Variants in NELL1 observed in about 807,000 individuals in gnomAD.
NELL1 encodes the protein neural EGFL like 1, also known as protein kinase C-binding protein NELL1.
A neutral mutation model predicts 107.4 loss-of-function variants in NELL1; 76 were observed. That is an observed-to-expected ratio of 0.71 (90% CI 0.59 to 0.86). The LOEUF is 0.86. NELL1 is among the 40% of genes least tolerant of loss of function. The pLI, the probability that NELL1 is intolerant of heterozygous loss-of-function variation, is 0.00. For synonymous variants in NELL1, 353 were observed against 341.2 expected (o/e 1.03, Z -0.38); for missense variants, 1,024 against 1,005.5 (o/e 1.02, Z -0.25).
chr11:20,682,827 A>G (rs1854220992), intron 2 of NELL1, among the ~76,000 whole-genome samples: 1 of 152,040 alleles, frequency 6.6e-6, no homozygotes, highest in African/African-American at 2.4e-5. Context: ...AATTTTATAT[A>G]AATAGAATCA....
intron 11 of NELL1, among the ~76,000 whole-genome samples, chr11:20,959,646 A>G (rs114279894): frequency 1.5e-3 from 236 of 152,304 alleles, no homozygotes; most frequent in African/African-American, 5.4e-3. Context: ...GAATGACATC[A>G]TAGACTTTAG....
intron 18 of NELL1, among the ~76,000 whole-genome samples, chr11:21,572,395 G>A (rs917393322): frequency 2.7e-5 from 4 of 150,232 alleles, no homozygotes; most frequent in South Asian, 2.1e-4. Context: ...TTTGTATGAC[G>A]TAACAGTGAG....
chr11:21,039,758 C>A (rs1853183637), intron 12 of NELL1, among the ~76,000 whole-genome samples: 1 of 152,048 alleles, frequency 6.6e-6, no homozygotes, highest in African/African-American at 2.4e-5. Flanking sequence ...GAGAAAAATT[C>A]TTATCTAAAA....
intron 14 of NELL1, among the ~76,000 whole-genome samples, chr11:21,246,169 A>C (rs1858486068): frequency 6.6e-6 from 1 of 152,186 alleles, no homozygotes; most frequent in Non-Finnish European, 1.5e-5. Flanking sequence ...ACTTTACAGC[A>C]TGTATCTCAT....
In NELL1 at chr11:21,493,993, C is replaced by T. The variant is rs572135475; in HGVS notation, c.1646-40381C>T. ...TTTTTTCTCAGCACAAACAACACCC[C>T]AATAATCATTATTGTACATATATTT... On this transcript the variant is annotated intron_variant, in intron 15 of 19. Coordinates refer to ENST00000357134, the MANE Select transcript of NELL1 (RefSeq NM_006157.5). Among the ~76,000 whole-genome samples, 54 of 151,936 alleles carry T rather than the reference C, an allele frequency of 3.6e-4. 1 individual carries two copies. The highest frequency in any genetic ancestry group is 3.5e-4 in the Non-Finnish European group (24 of 67,852).
intron 15 of NELL1, among the ~76,000 whole-genome samples, chr11:21,457,817 G>A (rs1590947627): frequency 6.6e-6 from 1 of 152,090 alleles, no homozygotes; most frequent in African/African-American, 2.4e-5. Flanking sequence ...AAATAAAGAA[G>A]ACTGAGAAAA....
intron 4 of NELL1, among the ~76,000 whole-genome samples, chr11:20,871,936 A>G (rs1413738252): frequency 1.2e-4 from 17 of 146,016 alleles, no homozygotes; most frequent in African/African-American, 3.5e-4. Flanking sequence ...GGAGAATGGC[A>G]TGAACCTGGG....
At chr11:21,332,716 AT>A (rs1478384337) in intron 14 of NELL1, among the ~76,000 whole-genome samples, 1 of 151,748 alleles carries the variant, frequency 6.6e-6, no homozygotes, top group African/African-American at 2.4e-5. Context: ...AGCTAACAAT[AT>A]TTTCCTTTGT....
chr11:21,319,934 C>T (rs1014970429), intron 14 of NELL1, among the ~76,000 whole-genome samples: 4 of 151,886 alleles, frequency 2.6e-5, no homozygotes, highest in Non-Finnish European at 4.4e-5. Flanking sequence ...TTATTTGTGC[C>T]GGCTTATGAA....
In NELL1 at chr11:20,670,836, C is replaced by T. The variant is rs1052792380; in HGVS notation, c.55+1058C>T. The stretch of plus-strand genomic sequence containing the variant: ...CATTCCCTTTCCCTTTATTCTCCCC[C>T]CTTTACCATCCTTATTTCCTTCTTT... On this transcript the variant is annotated intron_variant, in intron 1 of 19. Transcript: ENST00000357134. Among the ~76,000 whole-genome samples, 4 of 152,236 alleles carry T rather than the reference C, an allele frequency of 2.6e-5. No homozygotes were observed. In the East Asian group the frequency reaches 5.8e-4, roughly 22 times the overall value.
chr11:21,502,749 C>CA (rs1855173791), intron 15 of NELL1, among the ~76,000 whole-genome samples: 1 of 152,116 alleles, frequency 6.6e-6, no homozygotes, highest in Non-Finnish European at 1.5e-5. Context: ...TGTGACTACT[C>CA]AAAAAGGTAA....
chr11:21,138,839 G>A (rs1212451857), intron 13 of NELL1, among the ~76,000 whole-genome samples: 1 of 152,134 alleles, frequency 6.6e-6, no homozygotes, highest in African/African-American at 2.4e-5. Flanking sequence ...TTTGTGAAGT[G>A]TTAGTGTAAG....
intron 2 of NELL1, among the ~76,000 whole-genome samples, chr11:20,776,602 C>T (rs1447669261): frequency 1.3e-5 from 2 of 151,808 alleles, no homozygotes; most frequent in African/African-American, 4.8e-5. Flanking sequence ...CTGGGGTGGT[C>T]AGAGAAAACT....
intron 14 of NELL1, among the ~76,000 whole-genome samples, chr11:21,286,051 G>A (rs112330210): frequency 1.2e-3 from 184 of 152,258 alleles, no homozygotes; most frequent in African/African-American, 2.1e-3. Context: ...TGTGTGTCTC[G>A]CCTATTACCT....
intron 14 of NELL1, among the ~76,000 whole-genome samples, chr11:21,360,785 C>A (rs1590868236): frequency 1.3e-5 from 2 of 152,146 alleles, no homozygotes; most frequent in East Asian, 1.9e-4. Context: ...ATAATAGCTA[C>A]TCCTGCTCAC....
intron 12 of NELL1, among the ~76,000 whole-genome samples, chr11:21,027,310 GTT>G (rs1203650953): frequency 2.7e-5 from 4 of 148,114 alleles, no homozygotes; most frequent in African/African-American, 1.1e-4. Flanking sequence ...GTTTAGTTTA[GTT>G]TAGTTTAGTT....
chr11:21,230,469 A>G (rs1007740627), intron 14 of NELL1, among the ~76,000 whole-genome samples: 1 of 152,258 alleles, frequency 6.6e-6, no homozygotes, highest in Non-Finnish European at 1.5e-5. Flanking sequence ...CCAAATCACC[A>G]AAGAGGAAAG....
chr11:20,927,337 A>T lies in NELL1; in HGVS notation c.789A>T (p.Gln263His). The change falls in exon 8 of 20, where the codon CAA (glutamine) becomes CAT (histidine). Residue 263 changes from glutamine to histidine, a missense_variant. By Grantham distance (24) the Gln-to-His change is conservative (BLOSUM62 0). Coordinates refer to ENST00000357134, the MANE Select transcript of NELL1 (RefSeq NM_006157.5). ...ATTATGCAGAGACAAGACTTAGTCA[A>T]TTGGAAAACTGTCATTGTGAGAAGA... ...KLNYAETRLS[Q>H]LENCHCEKTC... 6.2e-7 allele frequency: 1 copy of T among 1,612,678 alleles called. No homozygotes were observed. Among genetic ancestry groups the T allele is most frequent in the Non-Finnish European group, 8.5e-7 (1 of 1,179,616 alleles).
chr11:20,895,983 T>A (rs1474547229), intron 5 of NELL1, among the ~76,000 whole-genome samples: 1 of 152,172 alleles, frequency 6.6e-6, no homozygotes, highest in Non-Finnish European at 1.5e-5. Context: ...TTATTTTTTA[T>A]ATTTTTAAAA....
Sources: gnomAD v4.1 joint callset for allele counts (sites outside exome capture counted in the v4.1 genomes callset) on GRCh38, gnomAD v4.1.1 for gene constraint, MANE v1.5 for transcripts, NCBI Gene and HGNC (gene_info 2026-07-23, HGNC 2026-07-21) for gene names.